The following MTAP variants were observed in gnomAD, a reference collection of about 807,000 sequenced individuals.
The protein encoded by MTAP is methylthioadenosine phosphorylase, also known as S-methyl-5'-thioadenosine phosphorylase.
In MTAP, 33 loss-of-function variants were observed where a neutral mutation model predicts 33.6. That is an observed-to-expected ratio of 0.98 (90% CI 0.74 to 1.31). The LOEUF is 1.31. Ranked by LOEUF, MTAP falls within the 40% of genes most tolerant of loss-of-function variation. The pLI is 0.00. For synonymous variants in MTAP, 148 were observed against 125.7 expected, an observed-to-expected ratio of 1.18 and a Z score of -1.19; for missense variants, 367 against 360.0, an observed-to-expected ratio of 1.02 and a Z score of -0.16.
downstream of MTAP, among the ~76,000 whole-genome samples, chr9:21,869,826 T>C (rs1461554413): frequency 6.6e-6 from 1 of 152,216 alleles, no homozygotes; most frequent in African/African-American, 2.4e-5. Context: ...TGTCTACTTT[T>C]GTTCCCTAGA....
At chr9:21,913,053 C>T (rs1818607476) in intron 1 of MTAP, among the ~76,000 whole-genome samples, 1 of 152,094 alleles carries the variant, frequency 6.6e-6, no homozygotes, top group Non-Finnish European at 1.5e-5. Flanking sequence ...AATAAAATAC[C>T]TAGGAATCCA....
Position 21,865,503 on chromosome 9 carries a change from T to C in MTAP, c.*3489T>C. ...ACTACCAGTGTGCACACAATCTGGC[T>C]CAATGTATATATTGGCCCAGCAAGG... On this transcript the variant is annotated 3_prime_UTR_variant, in exon 8 of 8. Transcript: ENST00000644715. 1.0e-6 allele frequency: 1 copy of C among 985,598 alleles called. No homozygotes were observed. The highest frequency in any genetic ancestry group is 1.2e-6 in the Non-Finnish European group (1 of 829,986). The allele number at this position is 985,598 out of a possible 1,614,324, so 61.1% of individuals were successfully genotyped here.
intron 1 of MTAP, among the ~76,000 whole-genome samples, chr9:21,929,053 AC>A (rs1313698792): frequency 6.6e-6 from 1 of 151,618 alleles, no homozygotes; most frequent in East Asian, 1.9e-4. Flanking sequence ...GAAGGTTGAA[AC>A]CCCAAATTCC....
At chr9:21,870,517 C>T (rs1164251268), downstream of MTAP, among the ~76,000 whole-genome samples, 1 of 152,168 alleles carries the variant, frequency 6.6e-6, no homozygotes, top group Non-Finnish European at 1.5e-5. Context: ...TCTCACCTCC[C>T]ACACCTCATG....
At chr9:21,877,059 T>G (rs62556505) in intron 1 of MTAP, among the ~76,000 whole-genome samples, 4,025 of 152,314 alleles carry the variant, frequency 0.026, 125 homozygotes, top group Admixed American at 0.11. Context: ...TAATTCTCCT[T>G]GTGGAAATCT....
chr9:21,821,072 C>T (rs1425632650), intron 4 of MTAP, among the ~76,000 whole-genome samples: 1 of 152,182 alleles, frequency 6.6e-6, no homozygotes, highest in Non-Finnish European at 1.5e-5. Flanking sequence ...CATCTGCAAA[C>T]AAGGACAATT....
chr9:21,884,386 AAGT>A (rs1416418650), intron 1 of MTAP, among the ~76,000 whole-genome samples: 1 of 152,194 alleles, frequency 6.6e-6, no homozygotes, highest in African/African-American at 2.4e-5. Context: ...AAAATCAACA[AAGT>A]AGAGCTTGTG....
At chr9:21,807,032 T>C (rs1377984581) in intron 1 of MTAP, among the ~76,000 whole-genome samples, 1 of 152,084 alleles carries the variant, frequency 6.6e-6, no homozygotes, top group African/African-American at 2.4e-5. Flanking sequence ...GGCACGGTGC[T>C]GCACGCATGT....
chr9:21,848,647 A>G (rs569753141), intron 5 of MTAP, among the ~76,000 whole-genome samples: 2 of 152,256 alleles, frequency 1.3e-5, no homozygotes, highest in South Asian at 2.1e-4. Flanking sequence ...CTTTAGACCT[A>G]TTTATCCCTG....
At chr9:21,839,784 A>T (rs1165417168) in intron 5 of MTAP, among the ~76,000 whole-genome samples, 11 of 152,242 alleles carry the variant, frequency 7.2e-5, no homozygotes, top group African/African-American at 2.7e-4. Flanking sequence ...GGCAAGCAAG[A>T]TACTCAGTGG....
intron 4 of MTAP, among the ~76,000 whole-genome samples, chr9:21,831,396 G>C (rs1399406675): frequency 6.6e-6 from 1 of 152,076 alleles, no homozygotes; most frequent in African/African-American, 2.4e-5. Flanking sequence ...GAGTGCAGTG[G>C]CCTGATCGCA....
Position 21,821,697 on chromosome 9 carries a change from A to G in MTAP, c.347+3495A>G, listed in dbSNP as rs559010953. 1.5e-4 allele frequency among the ~76,000 whole-genome samples: 23 copies of G among 152,282 alleles called. 1 individual carries two copies. The East Asian group carries it at 2.5e-3, about 17-fold the overall frequency. Reference sequence around the variant, plus strand: ...ATTGATTGGAATAGTTTCAGAAGGAATGGTACCAGCTCCTCCTTGTACCTC... The same window carrying G: ...ATTGATTGGAATAGTTTCAGAAGGAGTGGTACCAGCTCCTCCTTGTACCTC... On this transcript the variant is annotated intron_variant, in intron 4 of 7. Transcript: ENST00000644715.
intron 1 of MTAP, among the ~76,000 whole-genome samples, chr9:21,918,525 C>T (rs1023536668): frequency 3.9e-4 from 60 of 152,060 alleles, no homozygotes; most frequent in South Asian, 2.1e-4. Flanking sequence ...TAACCAAAAA[C>T]CATCTGTACC....
downstream of MTAP, chr9:21,933,847 T>C (rs1819001192): frequency 6.6e-6 from 1 of 152,232 alleles, no homozygotes; most frequent in Non-Finnish European, 1.5e-5. Flanking sequence ...ATCCTAAAAT[T>C]AACTTATAAA....
chr9:21,823,802 C>T (rs533264102), intron 4 of MTAP, among the ~76,000 whole-genome samples: 2 of 152,262 alleles, frequency 1.3e-5, no homozygotes, highest in South Asian at 2.1e-4. Flanking sequence ...TTGGAGGCTT[C>T]GTTCATTTCT....
chr9:21,865,481 A>C lies in MTAP; in HGVS notation c.*3467A>C. ...TTGAAGATTGTTGCACCTTGGAACT[A>C]CCAGTGTGCACACAATCTGGCTCAA... On this transcript the variant is annotated 3_prime_UTR_variant, in exon 8 of 8. Transcript: ENST00000644715. 1.0e-6 allele frequency: 1 copy of C among 985,522 alleles called. No homozygotes were observed. Among genetic ancestry groups the C allele is most frequent in the Non-Finnish European group, 1.2e-6 (1 of 829,944 alleles). The allele number at this position is 985,522 out of a possible 1,614,324, so 61.0% of individuals were successfully genotyped here. A position where few individuals can be genotyped will look rare whatever the true frequency, so the allele number is the denominator to read the frequency against.
chr9:21,918,121 C>T lies in MTAP; in HGVS notation c.148-12887C>T, dbSNP rs778622552. ...ATCCCAGCACTTTGGGAGGCCGAGG[C>T]GGGCGGATCACGAGGTCAGGAGATC... On this transcript the variant is annotated intron_variant, in intron 1 of 1. Transcript: ENST00000577563. Among the ~76,000 whole-genome samples, 4 of 129,134 alleles carry T rather than the reference C, an allele frequency of 3.1e-5. 1 individual carries two copies. Among genetic ancestry groups the T allele is most frequent in the African/African-American group, 1.6e-4 (4 of 24,828 alleles). 84.7% of individuals were successfully genotyped at this position (129,134 alleles called of 152,430 possible). A position where few individuals can be genotyped will look rare whatever the true frequency, so the allele number is the denominator to read the frequency against.
At chr9:21,890,622 G>A (rs2118746255) in intron 1 of MTAP, among the ~76,000 whole-genome samples, 1 of 152,256 alleles carries the variant, frequency 6.6e-6, no homozygotes, top group East Asian at 1.9e-4. Flanking sequence ...TGTCCACAGG[G>A]CTCTTACTGC....
At chr9:21,873,681 T>C (rs1825967324) in intron 1 of MTAP, among the ~76,000 whole-genome samples, 1 of 146,146 alleles carries the variant, frequency 6.8e-6, no homozygotes, top group African/African-American at 2.5e-5. Flanking sequence ...TACTTTGTTA[T>C]AGCCACCCAA....
Sources: allele counts gnomAD v4.1 joint callset (sites outside exome capture counted in the v4.1 genomes callset), GRCh38; gene constraint gnomAD v4.1.1; transcripts MANE v1.5; gene names NCBI Gene and HGNC (gene_info 2026-07-23, HGNC 2026-07-21).